SLC35D4: variants seen among roughly 807,000 people sequenced by gnomAD.
SLC35D4 encodes solute carrier family 35 member D4.
chr18:23,297,646 G>A, the SLC35D4 span: 2 of 237,278 alleles, frequency 8.4e-6, no homozygotes, highest in African/African-American at 4.5e-5. Flanking sequence ...ATCCAGAGGT[G>A]TGAAGCTCAG....
the SLC35D4 span, among the ~76,000 whole-genome samples, chr18:23,410,212 G>A: frequency 6.6e-6 from 1 of 152,196 alleles, no homozygotes; most frequent in Admixed American, 6.5e-5. Context: ...CGGGCGCGGT[G>A]GCTCAGGCCT....
chr18:23,430,602 T>G, the SLC35D4 span: 1 of 1,563,958 alleles, frequency 6.4e-7, no homozygotes, highest in Non-Finnish European at 8.7e-7. Flanking sequence ...TTCCTAAAAA[T>G]GTATATAAAG....
At chr18:23,290,549 C>T in the SLC35D4 span, among the ~76,000 whole-genome samples, 2 of 152,184 alleles carry the variant, frequency 1.3e-5, no homozygotes, top group African/African-American at 4.8e-5. Flanking sequence ...TCCTCATCTT[C>T]CATCAGCTCC....
At chr18:23,319,640 T>C in the SLC35D4 span, among the ~76,000 whole-genome samples, 1 of 152,192 alleles carries the variant, frequency 6.6e-6, no homozygotes, top group Non-Finnish European at 1.5e-5. Context: ...GGTTTCACCA[T>C]GTTGGCCAGG....
the SLC35D4 span, among the ~76,000 whole-genome samples, chr18:23,348,384 T>C: frequency 6.6e-6 from 1 of 152,244 alleles, no homozygotes; most frequent in Non-Finnish European, 1.5e-5. Context: ...TATGTACTTC[T>C]ATATTCACGC....
At chr18:23,427,412 GA>G in the SLC35D4 span, among the ~76,000 whole-genome samples, 29 of 152,156 alleles carry the variant, frequency 1.9e-4, no homozygotes, top group African/African-American at 6.0e-4. Context: ...ACAGACACAT[GA>G]AAAAATGCTC....
the SLC35D4 span, among the ~76,000 whole-genome samples, chr18:23,282,045 C>A: frequency 6.6e-6 from 1 of 152,254 alleles, no homozygotes; most frequent in Non-Finnish European, 1.5e-5. Flanking sequence ...CTCCACTTAA[C>A]TTCTATTTGC....
the SLC35D4 span, among the ~76,000 whole-genome samples, chr18:23,338,526 A>C: frequency 6.6e-6 from 1 of 152,176 alleles, no homozygotes. Context: ...AGAAAAAATG[A>C]TTCATACACC....
chr18:23,315,825 C>T, the SLC35D4 span, among the ~76,000 whole-genome samples: 4 of 152,274 alleles, frequency 2.6e-5, no homozygotes, highest in East Asian at 7.7e-4. Flanking sequence ...TGACTGGGGC[C>T]TGGGAGGCAG....
the SLC35D4 span, among the ~76,000 whole-genome samples, chr18:23,394,170 A>G: frequency 2.0e-5 from 3 of 152,116 alleles, no homozygotes; most frequent in African/African-American, 7.2e-5. Flanking sequence ...GTGCATTCCC[A>G]CCCGTGGTGC....
chr18:23,293,125 T>A, the SLC35D4 span, among the ~76,000 whole-genome samples: 1 of 152,168 alleles, frequency 6.6e-6, no homozygotes, highest in Admixed American at 6.5e-5. Flanking sequence ...ATGCCTGTAA[T>A]CCCAGCTACT....
chr18:23,401,749 T>A, the SLC35D4 span, among the ~76,000 whole-genome samples: 1 of 152,192 alleles, frequency 6.6e-6, no homozygotes, highest in Non-Finnish European at 1.5e-5. Flanking sequence ...ACATGTGTAC[T>A]CCATGCCCTC....
At chr18:23,256,671 G>A in the SLC35D4 span, among the ~76,000 whole-genome samples, 6 of 151,948 alleles carry the variant, frequency 3.9e-5, no homozygotes, top group Non-Finnish European at 7.4e-5. Context: ...TAGTAGAGAC[G>A]ACAGGGTTTC....
the SLC35D4 span, among the ~76,000 whole-genome samples, chr18:23,304,589 T>C: frequency 1.3e-5 from 2 of 151,932 alleles, no homozygotes; most frequent in East Asian, 3.9e-4. Context: ...GAGACGCATG[T>C]ACACATATAC....
At chr18:23,421,410 C>T in the SLC35D4 span, 2 of 1,613,960 alleles carry the variant, frequency 1.2e-6, no homozygotes, top group Non-Finnish European at 1.7e-6. Flanking sequence ...TTCCAGGACA[C>T]ATGAAGCAAA....
At chr18:23,249,317 T>G in the SLC35D4 span, among the ~76,000 whole-genome samples, 1 of 151,880 alleles carries the variant, frequency 6.6e-6, no homozygotes, top group Admixed American at 6.6e-5. Flanking sequence ...GATAATAGAG[T>G]AGAATGGAGG....
chr18:23,298,116 AG>A, the SLC35D4 span: 1 of 1,610,810 alleles, frequency 6.2e-7, no homozygotes. Flanking sequence ...GGGACCCCTG[AG>A]CTGCCTGGCG....
At chr18:23,282,622 G>T in the SLC35D4 span, among the ~76,000 whole-genome samples, 1 of 152,202 alleles carries the variant, frequency 6.6e-6, no homozygotes, top group East Asian at 1.9e-4. Context: ...CCAAGTGAGG[G>T]CTGTCTGTGG....
At chr18:23,424,052 A>G in the SLC35D4 span, among the ~76,000 whole-genome samples, 10 of 152,166 alleles carry the variant, frequency 6.6e-5, no homozygotes, top group Non-Finnish European at 1.2e-4. Context: ...AGGGAATGTT[A>G]CTGAGAGAAG....
Sources: allele counts gnomAD v4.1 joint callset (sites outside exome capture counted in the v4.1 genomes callset), GRCh38; gene constraint gnomAD v4.1.1; transcripts MANE v1.5; gene names NCBI Gene and HGNC (gene_info 2026-07-23, HGNC 2026-07-21).